The following PGR variants were observed in gnomAD, a reference collection of about 807,000 sequenced individuals.
PGR encodes nuclear receptor subfamily 3 group C member 3.
In PGR, 25 loss-of-function variants were observed where a neutral mutation model predicts 76.1. The observed-to-expected ratio is 0.33, with a 90% CI of 0.24 to 0.46. PGR has a LOEUF of 0.46. PGR is among the 20% of genes least tolerant of loss of function. The pLI is 1.00. For missense variants in PGR, 1,172 were observed against 1,225.3 expected, an observed-to-expected ratio of 0.96 and a Z score of 0.65; for synonymous variants, 579 against 535.0, an observed-to-expected ratio of 1.08 and a Z score of -1.14.
intron 3 of PGR, among the ~76,000 whole-genome samples, chr11:101,066,495 T>A (rs1332468828): frequency 6.6e-6 from 1 of 152,194 alleles, no homozygotes; most frequent in Non-Finnish European, 1.5e-5. Context: ...CTGCATCTAG[T>A]TCTATGTCTC....
At chr11:101,043,606 C>A (rs1405828112) in intron 6 of PGR, among the ~76,000 whole-genome samples, 1 of 152,150 alleles carries the variant, frequency 6.6e-6, no homozygotes, top group Non-Finnish European at 1.5e-5. Flanking sequence ...GAAACACTAT[C>A]TATGGCAGCC....
chr11:101,072,511 C>T (rs1860974797), intron 3 of PGR, among the ~76,000 whole-genome samples: 1 of 152,232 alleles, frequency 6.6e-6, no homozygotes, highest in South Asian at 2.1e-4. Flanking sequence ...CTAAATGCCC[C>T]AATTAAAAGA....
chr11:101,086,202 A>G (rs1471773006), intron 3 of PGR, among the ~76,000 whole-genome samples: 1 of 152,196 alleles, frequency 6.6e-6, no homozygotes, highest in Non-Finnish European at 1.5e-5. Flanking sequence ...ATTCTCAACA[A>G]AACACTAGCA....
chr11:101,101,456 G>C (rs1259518345), intron 2 of PGR, among the ~76,000 whole-genome samples: 1 of 152,148 alleles, frequency 6.6e-6, no homozygotes, highest in Non-Finnish European at 1.5e-5. Context: ...TCTTGGAAGA[G>C]AGAGAGAACT....
chr11:101,107,062 G>C (rs1476584868), intron 2 of PGR, among the ~76,000 whole-genome samples: 4 of 152,098 alleles, frequency 2.6e-5, no homozygotes. Flanking sequence ...GGGCCTGTCA[G>C]GGGATGGGGG....
chr11:101,086,759 T>C (rs1466903814), intron 3 of PGR, among the ~76,000 whole-genome samples: 1 of 152,154 alleles, frequency 6.6e-6, no homozygotes, highest in Non-Finnish European at 1.5e-5. Flanking sequence ...AATGAACATG[T>C]AAAAATTAGT....
intron 4 of PGR, among the ~76,000 whole-genome samples, chr11:101,059,857 A>AAAAAG (rs1565337569): frequency 7.9e-5 from 11 of 138,794 alleles, no homozygotes; most frequent in Non-Finnish European, 1.3e-4. Flanking sequence ...AAAAAAAAAA[A>AAAAAG]AAAAGAAAAA....
At chr11:101,116,782 A>C (rs935869209) in intron 2 of PGR, among the ~76,000 whole-genome samples, 1 of 151,736 alleles carries the variant, frequency 6.6e-6, no homozygotes, top group Non-Finnish European at 1.5e-5. Flanking sequence ...ATGTCATCAG[A>C]AATTGGAAGT....
intron 6 of PGR, among the ~76,000 whole-genome samples, chr11:101,045,693 G>GTA (rs1181891319): frequency 3.4e-5 from 5 of 145,450 alleles, no homozygotes; most frequent in Admixed American, 3.4e-4. Context: ...GTGTGTGTGT[G>GTA]TGTATGTATG....
chr11:101,048,214 A>G (rs1859958773), intron 6 of PGR, among the ~76,000 whole-genome samples: 1 of 152,210 alleles, frequency 6.6e-6, no homozygotes, highest in African/African-American at 2.4e-5. Context: ...TAATCTTTAT[A>G]GTTACATGTT....
In PGR at chr11:101,065,900, AG is replaced by A. The variant is rs1364040891; in HGVS notation, c.1907-3149del. On this transcript the variant is annotated intron_variant, in intron 3 of 7. Transcript: ENST00000325455. Reference sequence around the variant, plus strand: ...AGAAGCAGAGGTAATGATTTGGGGGAGGCTTAGGGGGAAAGAAGCTCCATTT... The same window carrying A: ...AGAAGCAGAGGTAATGATTTGGGGGAGCTTAGGGGGAAAGAAGCTCCATTT... Among the ~76,000 whole-genome samples, 3 of 151,330 alleles carry A rather than the reference AG, an allele frequency of 2.0e-5. No homozygotes were observed. In the East Asian group the frequency reaches 5.9e-4, roughly 30 times the overall value.
In PGR at chr11:101,127,475, C is replaced by T. The variant is rs768713287; in HGVS notation, c.1596G>A (p.Glu532=). The change falls in exon 1 of 8, where the codon GAG becomes GAA. Residue 532 remains glutamate, a synonymous_variant. Transcript: ENST00000325455. The part of the protein sequence containing the change: ...QLGYQAAVLK[E]GLPQVYPPYL... ...AGGGCGGGTAGACCTGCGGCAGGCC[C>T]TCCTTGAGCACGGCGGCCTGGTAGC... The T allele has an allele frequency of 3.2e-5, 50 of 1,560,324 alleles. No individual in the cohort carries two copies. In the East Asian group the frequency reaches 9.0e-4, roughly 28 times the overall value.
chr11:101,128,154 A>T lies in PGR; in HGVS notation c.917T>A (p.Val306Glu). 1 of 1,597,632 alleles carries T rather than the reference A, an allele frequency of 6.3e-7. No homozygotes were observed. The highest frequency in any genetic ancestry group is 8.5e-7 in the Non-Finnish European group (1 of 1,179,574). ...GGCGTGATTGAGAGGCAGGATAGGC[A>T]CGTGGATGAAATCCATCACCGTGGT... is the stretch of plus-strand genomic sequence containing the variant. ...LATTVMDFIH[V>E]PILPLNHALL... The change falls in exon 1 of 8, where the codon GTG becomes GAG. Residue 306 changes from valine to glutamate, a missense_variant. Physicochemically the swap from Val to Glu is moderately radical, Grantham distance 121. Coordinates refer to ENST00000325455, the MANE Select transcript of PGR (RefSeq NM_000926.4).
At chr11:101,042,421 T>G (rs1859721817) in intron 6 of PGR, among the ~76,000 whole-genome samples, 1 of 152,158 alleles carries the variant, frequency 6.6e-6, no homozygotes, top group East Asian at 1.9e-4. Flanking sequence ...TTCTACATGC[T>G]TCTTAAATAC....
intron 4 of PGR, among the ~76,000 whole-genome samples, chr11:101,053,767 A>T: frequency 7.4e-6 from 1 of 135,116 alleles, no homozygotes; most frequent in African/African-American, 2.8e-5. Context: ...CTCCTCCCTC[A>T]CTGCTCCCTA....
rs1479867351 is a variant in PGR, at chr11:101,035,692, AG to A, written c.*3423del. 2.2e-5 allele frequency: 5 copies of A among 231,674 alleles called. No homozygotes were observed. Among genetic ancestry groups the A allele is most frequent in the Non-Finnish European group, 4.3e-5 (5 of 117,156 alleles). The allele number at this position is 231,674 out of a possible 1,614,324, so 14.4% of individuals were successfully genotyped here. A position where few individuals can be genotyped will look rare whatever the true frequency, so the allele number is the denominator to read the frequency against. On this transcript the variant is annotated 3_prime_UTR_variant, in exon 8 of 8. Transcript: ENST00000325455. Reference sequence around the variant, plus strand: ...AAAATGTCTACAATGGAAGAGTGATAGGCTCTTTAGAACTTTGATAAAACAG... The same window carrying A: ...AAAATGTCTACAATGGAAGAGTGATAGCTCTTTAGAACTTTGATAAAACAG...
intron 2 of PGR, among the ~76,000 whole-genome samples, chr11:101,094,152 C>T (rs1861763804): frequency 6.6e-6 from 1 of 152,096 alleles, no homozygotes; most frequent in Admixed American, 6.5e-5. Flanking sequence ...AAAAGGAACC[C>T]TAGCTCACTC....
Position 101,042,023 on chromosome 11 carries a change from A to T in PGR, c.2568T>A (p.Ile856=), listed in dbSNP as rs1380913780. The T allele has an allele frequency of 6.2e-7, 1 of 1,613,592 alleles. No homozygotes were observed. The highest frequency in any genetic ancestry group is 1.1e-5 in the South Asian group (1 of 91,072). ...SSYIRELIKA[I]GLRQKGVVSS... The stretch of plus-strand genomic sequence containing the variant: ...ACACAACTCCTTTTTGCCTCAAACC[A>T]ATTGCCTTGATGAGCTCTCTAATGT... The change falls in exon 7 of 8, where the codon ATT becomes ATA. Residue 856 remains isoleucine, a synonymous_variant. Coordinates refer to ENST00000325455, the MANE Select transcript of PGR (RefSeq NM_000926.4).
At chr11:101,056,324 T>C (rs1860290277) in intron 4 of PGR, among the ~76,000 whole-genome samples, 2 of 152,176 alleles carry the variant, frequency 1.3e-5, no homozygotes, top group South Asian at 4.2e-4. Flanking sequence ...GCTTAAAGAA[T>C]TAACAGAAAG....
Sources: allele counts gnomAD v4.1 joint callset (sites outside exome capture counted in the v4.1 genomes callset), GRCh38; gene constraint gnomAD v4.1.1; transcripts MANE v1.5; gene names NCBI Gene and HGNC (gene_info 2026-07-23, HGNC 2026-07-21).